The following POT1 variants were observed in gnomAD, a reference collection of about 807,000 sequenced individuals.
POT1 encodes the protein protection of telomeres 1.
Under a neutral mutation model 78.5 loss-of-function variants are expected in POT1, and 47 were observed. The ratio of observed to expected loss-of-function variants is 0.60; its 90% CI spans 0.47 to 0.76. The LOEUF (loss-of-function observed/expected upper bound fraction) is 0.76, where lower values mean the gene tolerates loss of function less well. POT1 is among the 30% of genes least tolerant of loss of function. The probability of loss-of-function intolerance (pLI) is 0.00; values close to 1 mark genes in which losing one functional copy is unlikely to be tolerated. For missense variants in POT1, 646 were observed against 749.9 expected, an observed-to-expected ratio of 0.86 and a Z score of 1.62; for synonymous variants, 259 against 260.7, an observed-to-expected ratio of 0.99 and a Z score of 0.06.
At chr7:124,825,011 C>T (rs1368163324) in intron 18 of POT1, among the ~76,000 whole-genome samples, 9 of 152,108 alleles carry the variant, frequency 5.9e-5, no homozygotes, top group African/African-American at 2.2e-4. Context: ...GTGATCAAAA[C>T]TATCTCCCTT....
chr7:124,921,063 C>A (rs1228847447), intron 2 of POT1, among the ~76,000 whole-genome samples: 1 of 152,122 alleles, frequency 6.6e-6, no homozygotes, highest in East Asian at 1.9e-4. Context: ...TACCCCAGCA[C>A]TCTAGCCTGG....
At chr7:124,892,455 C>G in intron 5 of POT1, 75 bp from the exon 6 acceptor site, 1 of 730,366 alleles carries the variant, frequency 1.4e-6, no homozygotes, top group Non-Finnish European at 2.1e-6. Context: ...ATCATATTAG[C>G]AGCAAATCCA....
chr7:124,830,128 T>C (rs1794725144), intron 15 of POT1, among the ~76,000 whole-genome samples: 1 of 152,244 alleles, frequency 6.6e-6, no homozygotes, highest in Non-Finnish European at 1.5e-5. Flanking sequence ...CAGAGGTTTG[T>C]AGTTTATGAT....
intron 14 of POT1, among the ~76,000 whole-genome samples, 171 bp from the exon 15 acceptor site, chr7:124,835,585 T>TA (rs899884861): frequency 1.3e-5 from 2 of 152,164 alleles, no homozygotes; most frequent in South Asian, 2.1e-4. Context: ...ATACATTGAT[T>TA]AAAAAAATCA....
chr7:124,842,718 A>C, intron 13 of POT1, 89 bp downstream of exon 13: 1 of 1,065,472 alleles, frequency 9.4e-7, no homozygotes, highest in Non-Finnish European at 1.3e-6. Context: ...TTAACAATTT[A>C]CTTATTCCTA....
chr7:124,873,564 T>C lies in POT1; in HGVS notation c.125-2523A>G, dbSNP rs113711064. On this transcript the variant is annotated intron_variant, in intron 6 of 18. Coordinates refer to ENST00000357628, the MANE Select transcript of POT1 (RefSeq NM_015450.3). ...GTAGTTTTTTTGCTTGTTCAGTTTT[T>C]ATTGTGTCTTTGTCTGTCTTCAGTA... 3.7e-3 allele frequency among the ~76,000 whole-genome samples: 566 copies of C among 152,330 alleles called. 4 individuals carry two copies. Among genetic ancestry groups the C allele is most frequent in the African/African-American group, 0.013 (522 of 41,580 alleles).
At chr7:124,915,469 G>A (rs1235374792) in intron 3 of POT1, 105 bp downstream of exon 3, 2 of 152,104 alleles carry the variant, frequency 1.3e-5, no homozygotes, top group African/African-American at 2.4e-5. Flanking sequence ...AGATATGAGA[G>A]TAAAGGGCTA....
intron 6 of POT1, among the ~76,000 whole-genome samples, chr7:124,891,213 A>C (rs896863555): frequency 6.6e-6 from 1 of 151,764 alleles, no homozygotes; most frequent in Admixed American, 6.6e-5. Flanking sequence ...AGCAGCATAC[A>C]TAATTGTTAT....
intron 15 of POT1, among the ~76,000 whole-genome samples, chr7:124,833,950 A>G (rs1794830724): frequency 6.6e-6 from 1 of 152,218 alleles, no homozygotes; most frequent in Non-Finnish European, 1.5e-5. Flanking sequence ...AGTTGAAAAC[A>G]CCACCACACA....
chr7:124,862,729 CA>C (rs1419462999), intron 8 of POT1, among the ~76,000 whole-genome samples: 1 of 152,116 alleles, frequency 6.6e-6, no homozygotes, highest in African/African-American at 2.4e-5. Flanking sequence ...CCTGAAGAGG[CA>C]TTTGTTCAAA....
chr7:124,856,134 T>C (rs1184529260), intron 9 of POT1, among the ~76,000 whole-genome samples: 1 of 152,156 alleles, frequency 6.6e-6, no homozygotes, highest in East Asian at 1.9e-4. Flanking sequence ...AAAACACATT[T>C]TTTCCTGTTT....
intron 3 of POT1, chr7:124,900,750 A>G: frequency 7.5e-6 from 2 of 268,114 alleles, no homozygotes; most frequent in South Asian, 3.4e-5. Flanking sequence ...TTTCCTAGCC[A>G]AGGGAAGCCA....
intron 3 of POT1, among the ~76,000 whole-genome samples, chr7:124,901,192 T>C (rs181566159): frequency 1.2e-3 from 182 of 152,268 alleles, no homozygotes; most frequent in African/African-American, 4.1e-3. Context: ...AATGGACAGA[T>C]TGCCTCCTCA....
At position 124,849,285 on chromosome 7, in the gene POT1, C is replaced by A. The variant is rs192776678; in HGVS notation, c.950-2287G>T. ...CAAATAAGAAAATGTGTAAAACATA[C>A]ATGGTTGCCCACAAACTGACAAAAA... On this transcript the variant is annotated intron_variant, in intron 11 of 18. Coordinates refer to ENST00000357628, the MANE Select transcript of POT1 (RefSeq NM_015450.3). Among the ~76,000 whole-genome samples, 138 of 152,144 alleles carry A rather than the reference C, an allele frequency of 9.1e-4. 1 individual carries two copies. In the Middle Eastern group the frequency reaches 0.014, roughly 15 times the overall value.
chr7:124,900,777 G>T, intron 3 of POT1: 1 of 355,864 alleles, frequency 2.8e-6, no homozygotes, highest in Non-Finnish European at 5.8e-6. Flanking sequence ...TCAGTACCTG[G>T]AACATCGGGA....
chr7:124,905,701 C>T (rs1482884285), intron 3 of POT1, among the ~76,000 whole-genome samples: 1 of 152,116 alleles, frequency 6.6e-6, no homozygotes, highest in Admixed American at 6.6e-5. Context: ...CAACAGGCCA[C>T]CTACAGAATG....
intron 14 of POT1, among the ~76,000 whole-genome samples, chr7:124,839,277 G>C (rs1213692368): frequency 6.6e-6 from 1 of 152,168 alleles, no homozygotes; most frequent in African/African-American, 2.4e-5. Flanking sequence ...AGCTTTTACA[G>C]AAATTAAGTG....
chr7:124,887,077 T>C (rs541110491), intron 6 of POT1, among the ~76,000 whole-genome samples: 1 of 152,242 alleles, frequency 6.6e-6, no homozygotes, highest in Admixed American at 6.5e-5. Context: ...TACATCTTTA[T>C]GGCTAACTCC....
Position 124,822,573 on chromosome 7 carries a change from A to G in POT1, c.*1389T>C, listed in dbSNP as rs1487605889. The stretch of plus-strand genomic sequence containing the variant: ...CTTCCTGAAGGCAGAAAAAATGTTT[A>G]TTTCACCTTTGTATCCTGAGCACAT... On this transcript the variant is annotated 3_prime_UTR_variant, in exon 19 of 19. Transcript: ENST00000357628. 2.2e-6 allele frequency: 1 copy of G among 455,718 alleles called. No individual in the cohort carries two copies. 28.2% of individuals were successfully genotyped at this position (455,718 alleles called of 1,614,324 possible).
Sources: gnomAD v4.1 joint callset for allele counts (sites outside exome capture counted in the v4.1 genomes callset) on GRCh38, gnomAD v4.1.1 for gene constraint, MANE v1.5 for transcripts, NCBI Gene and HGNC (gene_info 2026-07-23, HGNC 2026-07-21) for gene names.